Variants in CNTLN observed in about 807,000 individuals in gnomAD.
CNTLN encodes the protein centlein, centrosomal protein.
Under a neutral mutation model 180.0 loss-of-function variants are expected in CNTLN, and 212 were observed. The observed-to-expected ratio is 1.18, with a 90% CI of 1.05 to 1.32. The LOEUF (loss-of-function observed/expected upper bound fraction) is 1.32, where lower values mean the gene tolerates loss of function less well. CNTLN is among the 40% of genes most tolerant of loss of function. The pLI, the probability that CNTLN is intolerant of heterozygous loss-of-function variation, is 0.00. For synonymous variants in CNTLN, 722 were observed against 563.1 expected (o/e 1.28, Z -3.99); for missense variants, 2,095 against 1,610.9 (o/e 1.30, Z -5.14).
At chr9:17,308,844 A>T (rs1314675912) in intron 7 of CNTLN, among the ~76,000 whole-genome samples, 1 of 150,220 alleles carries the variant, frequency 6.7e-6, no homozygotes, top group Non-Finnish European at 1.5e-5. Context: ...ATCACATTTT[A>T]AATGTTAAAA....
chr9:17,185,623 G>T (rs568248062), intron 2 of CNTLN, among the ~76,000 whole-genome samples: 4 of 152,216 alleles, frequency 2.6e-5, no homozygotes, highest in African/African-American at 9.6e-5. Context: ...TACTATAAGG[G>T]TTCCCCAGAG....
downstream of CNTLN, among the ~76,000 whole-genome samples, chr9:17,505,085 C>T (rs1436758354): frequency 1.3e-5 from 2 of 151,918 alleles, no homozygotes; most frequent in Admixed American, 1.3e-4. Flanking sequence ...AAATACCCCA[C>T]AATCATAAAA....
At chr9:17,154,006 G>A (rs940997870) in intron 2 of CNTLN, among the ~76,000 whole-genome samples, 5 of 152,086 alleles carry the variant, frequency 3.3e-5, no homozygotes, top group Admixed American at 1.3e-4. Flanking sequence ...AGCTCTGTCA[G>A]GTCTTTTATG....
At chr9:17,191,304 A>G (rs1821772808) in intron 2 of CNTLN, among the ~76,000 whole-genome samples, 1 of 152,222 alleles carries the variant, frequency 6.6e-6, no homozygotes, top group Non-Finnish European at 1.5e-5. Flanking sequence ...TCATGATGCC[A>G]TGCAAGGAAT....
chr9:17,405,738 C>A lies in CNTLN; in HGVS notation c.2616-3555C>A, dbSNP rs549012727. ...GTTACCACCTATATTCCAGCCACCC[C>A]AAAATGTATGTATCCATTCTATACC... On this transcript the variant is annotated intron_variant, in intron 15 of 25. Coordinates refer to ENST00000380647, the MANE Select transcript of CNTLN (RefSeq NM_017738.4). Among the ~76,000 whole-genome samples the A allele has an allele frequency of 3.2e-3, 481 of 151,746 alleles. 4 individuals carry two copies. Among genetic ancestry groups the A allele is most frequent in the South Asian group, 0.031 (151 of 4,812 alleles).
chr9:17,179,661 C>T (rs745458519), intron 2 of CNTLN, among the ~76,000 whole-genome samples: 1 of 152,090 alleles, frequency 6.6e-6, no homozygotes, highest in African/African-American at 2.4e-5. Flanking sequence ...TGGATTGTTC[C>T]ATAAATATTG....
rs148776729 is a variant in CNTLN, at chr9:17,404,847, C to T, written c.2616-4446C>T. 3.2e-3 allele frequency among the ~76,000 whole-genome samples: 490 copies of T among 150,834 alleles called. 14 individuals are homozygous for T. Among genetic ancestry groups the T allele is most frequent in the African/African-American group, 0.011 (454 of 40,708 alleles). On this transcript the variant is annotated intron_variant, in intron 15 of 25. Transcript: ENST00000380647. ...CCACCTCCTGGGCGCAAACGATTCT[C>T]CTGCCTCAGCCTCCTGAGTAGCTGG...
chr9:17,394,999 T>C lies in CNTLN; in HGVS notation c.2545T>C (p.Ser849Pro). The C allele has an allele frequency of 6.2e-7, 1 of 1,613,610 alleles. No homozygotes were observed. The highest frequency in any genetic ancestry group is 8.5e-7 in the Non-Finnish European group (1 of 1,179,646). The change falls in exon 15 of 26, where the codon TCC (serine) becomes CCC (proline). Residue 849 changes from serine (S) to proline (P), a missense_variant. Ser to Pro is a moderately conservative substitution (Grantham distance 74, BLOSUM62 -1). Coordinates refer to ENST00000380647, the MANE Select transcript of CNTLN (RefSeq NM_017738.4). ...TCGTCACCACACTGTTCTCAATCATTCCATCAAGGTTATGAGCAATGTGTT... is the reference window on the plus strand; with the variant it reads ...TCGTCACCACACTGTTCTCAATCATCCCATCAAGGTTATGAGCAATGTGTT... The part of the protein sequence containing the change: ...VGRHHTVLNH[S>P]IKVMSNVFEN...
intron 2 of CNTLN, among the ~76,000 whole-genome samples, chr9:17,185,771 T>TTGTGTGTGTGTG (rs371473319): frequency 0.053 from 7,656 of 143,654 alleles, 226 homozygotes; most frequent in Middle Eastern, 0.12. Context: ...TGTTTCCCAT[T>TTGTGTGTGTGTG]TGTGTGTGTG....
chr9:17,266,602 T>C (rs1368902535), intron 5 of CNTLN, among the ~76,000 whole-genome samples: 2 of 152,166 alleles, frequency 1.3e-5, no homozygotes, highest in African/African-American at 4.8e-5. Flanking sequence ...TTGTTAACTT[T>C]CTGTCTCGTT....
chr9:17,173,846 C>G (rs1326868316), intron 2 of CNTLN, among the ~76,000 whole-genome samples: 1 of 152,142 alleles, frequency 6.6e-6, no homozygotes, highest in Non-Finnish European at 1.5e-5. Flanking sequence ...TTGGCATATG[C>G]TTGAACCATT....
In CNTLN at chr9:17,415,893, T is replaced by C. The variant is rs2133885011; in HGVS notation, c.2890+12T>C. The C allele has an allele frequency of 1.3e-6, 2 of 1,593,718 alleles. No individual in the cohort carries two copies. Among genetic ancestry groups the C allele is most frequent in the East Asian group, 4.5e-5 (2 of 44,646 alleles). ...AGTTCCTACTAGAGGTAAGAATGTA[T>C]ATGCAATTAACAATATGTCTTTTAC... is the stretch of plus-strand genomic sequence containing the variant. On this transcript the variant is annotated intron_variant, in intron 17 of 25. Transcript: ENST00000380647.
chr9:17,212,260 A>G (rs568708279), intron 2 of CNTLN, among the ~76,000 whole-genome samples: 10 of 152,324 alleles, frequency 6.6e-5, no homozygotes, highest in Admixed American at 5.9e-4. Flanking sequence ...AGTTTTTAGC[A>G]TGAAGTGTTG....
intron 14 of CNTLN, among the ~76,000 whole-genome samples, chr9:17,389,275 G>A (rs1444830936): frequency 6.6e-6 from 1 of 151,964 alleles, no homozygotes; most frequent in African/African-American, 2.4e-5. Context: ...TTTATCTTTA[G>A]GTAAAATGAT....
intron 8 of CNTLN, among the ~76,000 whole-genome samples, chr9:17,323,285 A>G (rs76846010): frequency 0.019 from 2,889 of 152,336 alleles, 90 homozygotes; most frequent in African/African-American, 0.066. Context: ...ATTGGAATAC[A>G]GCCTACTGCG....
the CNTLN span, among the ~76,000 whole-genome samples, chr9:17,523,445 C>T: frequency 2.0e-5 from 3 of 152,088 alleles, no homozygotes; most frequent in South Asian, 2.1e-4. Flanking sequence ...TCATGTTGGC[C>T]AGGCTCATCT....
At position 17,306,146 on chromosome 9, in the gene CNTLN, ATTTT is replaced by A. The variant is rs572150057; in HGVS notation, c.1147-2894_1147-2891del. On this transcript the variant is annotated intron_variant, in intron 7 of 25. Transcript: ENST00000380647. ...ACAAGAAGGGTGCTATTAGTCGTCT[ATTTT>A]TTTTTTTTTTTTTTTTTGAGTTTGA... 2.3e-3 allele frequency among the ~76,000 whole-genome samples: 293 copies of A among 127,982 alleles called. 2 individuals carry two copies. The highest frequency in any genetic ancestry group is 7.8e-3 in the African/African-American group (274 of 35,266). The allele number at this position is 127,982 out of a possible 152,430, so 84.0% of individuals were successfully genotyped here.
At chr9:17,274,511 T>TTCTA (rs71492908) in intron 6 of CNTLN, among the ~76,000 whole-genome samples, 34,043 of 138,624 alleles carry the variant, frequency 0.25, 3,924 homozygotes, top group Middle Eastern at 0.32. Context: ...CTATGTATCT[T>TTCTA]TCTATCTATC....
intron 5 of CNTLN, among the ~76,000 whole-genome samples, chr9:17,251,614 A>C (rs1176067642): frequency 6.6e-6 from 1 of 151,618 alleles, no homozygotes; most frequent in Admixed American, 6.6e-5. Context: ...CCTTTCATTG[A>C]TATGTAATAA....
Sources: gnomAD v4.1 joint callset for allele counts (sites outside exome capture counted in the v4.1 genomes callset) on GRCh38, gnomAD v4.1.1 for gene constraint, MANE v1.5 for transcripts, NCBI Gene and HGNC (gene_info 2026-07-23, HGNC 2026-07-21) for gene names.